Variants in MRTFA observed in about 807,000 individuals in gnomAD.
MRTFA encodes myocardin-related transcription factor A.
In MRTFA, 20 loss-of-function variants were observed where a neutral mutation model predicts 83.5. The ratio of observed to expected loss-of-function variants is 0.24; its 90% CI spans 0.17 to 0.35. The LOEUF is 0.35. MRTFA is among the 10% of genes least tolerant of loss of function. The probability of loss-of-function intolerance (pLI) is 1.00; values close to 1 mark genes in which losing one functional copy is unlikely to be tolerated. For missense variants in MRTFA, 1,200 were observed against 1,224.7 expected, an observed-to-expected ratio of 0.98 and a Z score of 0.30; for synonymous variants, 659 against 541.2, an observed-to-expected ratio of 1.22 and a Z score of -3.02.
chr22:40,470,847 G>T (rs1454262622), intron 3 of MRTFA, among the ~76,000 whole-genome samples: 1 of 152,038 alleles, frequency 6.6e-6, no homozygotes, highest in African/African-American at 2.4e-5. Flanking sequence ...TACTCGGGAG[G>T]CTGAGGCAGG....
chr22:40,581,982 A>G (rs2055953979), intron 2 of MRTFA, among the ~76,000 whole-genome samples: 1 of 152,208 alleles, frequency 6.6e-6, no homozygotes, highest in Admixed American at 6.5e-5. Flanking sequence ...ATTTTAGTGT[A>G]ATTTGCAAAG....
intron 2 of MRTFA, among the ~76,000 whole-genome samples, chr22:40,581,486 G>A (rs1294035919): frequency 2.0e-5 from 3 of 152,036 alleles, no homozygotes; most frequent in Non-Finnish European, 4.4e-5. Flanking sequence ...CCATATCCTT[G>A]TTAACAATTG....
At chr22:40,473,100 T>C (rs1157409978) in intron 3 of MRTFA, among the ~76,000 whole-genome samples, 1 of 152,146 alleles carries the variant, frequency 6.6e-6, no homozygotes, top group African/African-American at 2.4e-5. Flanking sequence ...TACGATATGA[T>C]GCAGTATCTT....
At chr22:40,459,690 A>T (rs1266287947) in intron 4 of MRTFA, among the ~76,000 whole-genome samples, 1 of 150,840 alleles carries the variant, frequency 6.6e-6, no homozygotes. Flanking sequence ...TCTCTCTCTC[A>T]TATACACATG....
intron 3 of MRTFA, among the ~76,000 whole-genome samples, chr22:40,490,657 C>T (rs966048640): frequency 1.3e-5 from 2 of 151,832 alleles, no homozygotes; most frequent in Admixed American, 6.6e-5. Flanking sequence ...AAACTGGGCA[C>T]TGATAATCAC....
chr22:40,619,168 T>C (rs1347689452), intron 1 of MRTFA, among the ~76,000 whole-genome samples: 2 of 151,858 alleles, frequency 1.3e-5, no homozygotes, highest in African/African-American at 4.8e-5. Flanking sequence ...CACTTGGCTT[T>C]AAATAAAGGA....
intron 4 of MRTFA, among the ~76,000 whole-genome samples, chr22:40,437,231 C>A (rs1411837835): frequency 6.6e-6 from 1 of 152,114 alleles, no homozygotes; most frequent in Non-Finnish European, 1.5e-5. Context: ...TAAATAGACA[C>A]CCCCTGCACC....
intron 5 of MRTFA, among the ~76,000 whole-genome samples, chr22:40,432,369 C>T (rs1426306048): frequency 6.6e-6 from 1 of 152,142 alleles, no homozygotes; most frequent in Non-Finnish European, 1.5e-5. Flanking sequence ...AATTTTGACA[C>T]ATGGTAGCAA....
chr22:40,628,366 G>C (rs1203785337), intron 1 of MRTFA, among the ~76,000 whole-genome samples: 1 of 152,052 alleles, frequency 6.6e-6, no homozygotes, highest in Non-Finnish European at 1.5e-5. Context: ...TCAGAACTTT[G>C]TTTGAATTAT....
At chr22:40,532,034 A>T (rs1289458130) in intron 3 of MRTFA, among the ~76,000 whole-genome samples, 1 of 152,204 alleles carries the variant, frequency 6.6e-6, no homozygotes, top group Non-Finnish European at 1.5e-5. Flanking sequence ...ACTCTTGTCA[A>T]TTTCATTTCA....
At chr22:40,636,453 G>A (rs983533755) in intron 1 of MRTFA, 25 bp downstream of exon 1, 20 of 152,378 alleles carry the variant, frequency 1.3e-4, no homozygotes, top group African/African-American at 3.1e-4. Flanking sequence ...TGGGGGAGGG[G>A]TCCCCAACCC....
chr22:40,626,086 C>A (rs1183753625), intron 1 of MRTFA, among the ~76,000 whole-genome samples: 1 of 152,004 alleles, frequency 6.6e-6, no homozygotes, highest in African/African-American at 2.4e-5. Context: ...CCGGTTCAAG[C>A]AATTCTCTTG....
chr22:40,418,654 T>C lies in MRTFA; in HGVS notation c.2084A>G (p.His695Arg). The C allele has an allele frequency of 1.4e-6, 2 of 1,475,354 alleles. No homozygotes were observed. Among genetic ancestry groups the C allele is most frequent in the Non-Finnish European group, 1.8e-6 (2 of 1,120,978 alleles). The allele number at this position is 1,475,354 out of a possible 1,614,324, so 91.4% of individuals were successfully genotyped here. Residue 695 changes from histidine to arginine, a missense_variant, in exon 12 of 15, where the codon CAC becomes CGC. Physicochemically the swap from His to Arg is conservative, Grantham distance 29 (BLOSUM62 0). Transcript: ENST00000355630. ...GGCCGCCAGGCTGGGGTTGAATGGG[T>C]GAGCGGGGCCCAGGGGCTGCTGGCT...
intron 1 of MRTFA, among the ~76,000 whole-genome samples, chr22:40,615,742 T>C (rs896382057): frequency 6.6e-6 from 1 of 151,270 alleles, no homozygotes; most frequent in African/African-American, 2.4e-5. Context: ...TGGAGTACAA[T>C]GGCATAATCT....
intron 8 of MRTFA, 57 bp from the exon 9 acceptor site, chr22:40,423,742 C>G: frequency 7.0e-7 from 1 of 1,429,792 alleles, no homozygotes; most frequent in South Asian, 1.5e-5. Context: ...GTGTGCCCAG[C>G]CTGCCCTGAC....
At chr22:40,457,107 G>A (rs1335327553) in intron 4 of MRTFA, among the ~76,000 whole-genome samples, 1 of 152,196 alleles carries the variant, frequency 6.6e-6, no homozygotes, top group Non-Finnish European at 1.5e-5. Context: ...GCTCACGCCT[G>A]TAATCCCAGC....
intron 11 of MRTFA, 49 bp downstream of exon 11, chr22:40,420,356 T>C: frequency 6.3e-7 from 1 of 1,585,186 alleles, no homozygotes; most frequent in Non-Finnish European, 8.6e-7. Context: ...ACAGCCCCTG[T>C]GGGAAGGGCC....
rs201424329 is a variant in MRTFA, at chr22:40,424,232, T to C, written c.751A>G (p.Ser251Gly). 2 of 1,604,854 alleles carry C rather than the reference T, an allele frequency of 1.2e-6. No individual in the cohort carries two copies. The highest frequency in any genetic ancestry group is 1.7e-6 in the Non-Finnish European group (2 of 1,176,954). Residue 251 changes from serine (S) to glycine (G), a missense_variant, in exon 8 of 15, where the codon AGT (serine) becomes GGT (glycine). Transcript: ENST00000355630. ...TGGGTGGGGGATGCAGAGGTGGCAC[T>C]GAGCAGTGGTTCGCTGACTCGGGCC... is the stretch of plus-strand genomic sequence containing the variant.
Position 40,410,859 on chromosome 22 carries a change from A to T in MRTFA, c.*531T>A, listed in dbSNP as rs1447972516. ...GTACATAAAATTGTTGCCACCAACC[A>T]CTAAATGGTTACACTACACCAAGAC... is the stretch of plus-strand genomic sequence containing the variant. On this transcript the variant is annotated 3_prime_UTR_variant, in exon 15 of 15. Coordinates refer to ENST00000355630, the MANE Select transcript of MRTFA (RefSeq NM_020831.6). The T allele has an allele frequency of 4.3e-6, 1 of 233,248 alleles. No homozygotes were observed. The highest frequency in any genetic ancestry group is 6.0e-5 in the East Asian group (1 of 16,548). The allele number at this position is 233,248 out of a possible 1,614,324, so 14.4% of individuals were successfully genotyped here.
Sources: allele counts gnomAD v4.1 joint callset (sites outside exome capture counted in the v4.1 genomes callset), GRCh38; gene constraint gnomAD v4.1.1; transcripts MANE v1.5; gene names NCBI Gene and HGNC (gene_info 2026-07-23, HGNC 2026-07-21).